The following ALG9 variants were observed in gnomAD, a reference collection of about 807,000 sequenced individuals.
The protein encoded by ALG9 is alpha-1,2-mannosyltransferase ALG9.
A neutral mutation model predicts 81.8 loss-of-function variants in ALG9; 55 were observed. The observed-to-expected ratio is 0.67, with a 90% CI of 0.54 to 0.84. ALG9 has a LOEUF of 0.84. Ranked by LOEUF, ALG9 falls within the 40% of genes least tolerant of loss-of-function variation. The pLI is 0.00. For missense variants in ALG9, 629 were observed against 745.0 expected (o/e 0.84, Z 1.81); for synonymous variants, 278 against 274.3 (o/e 1.01, Z -0.13).
intron 11 of ALG9, 126 bp from the exon 12 acceptor site, chr11:111,837,741 A>C: frequency 2.8e-6 from 3 of 1,063,512 alleles, no homozygotes; most frequent in Non-Finnish European, 4.2e-6. Flanking sequence ...GGCCATAGCC[A>C]TTCCAGCATG....
chr11:111,780,003 A>G (rs117449102), downstream of ALG9, among the ~76,000 whole-genome samples: 997 of 152,326 alleles, frequency 6.5e-3, 7 homozygotes, highest in Middle Eastern at 0.054. Context: ...AAGAGAGCCA[A>G]AACAGCTTTC....
chr11:111,857,631 G>C lies in ALG9; in HGVS notation c.672C>G (p.Ile224Met). The C allele has an allele frequency of 6.2e-7, 1 of 1,614,148 alleles. No homozygotes were observed. Among genetic ancestry groups the C allele is most frequent in the Non-Finnish European group, 8.5e-7 (1 of 1,180,036 alleles). Residue 224 changes from isoleucine (I) to methionine (M), a missense_variant, in exon 6 of 15, where the codon ATC becomes ATG. Coordinates refer to ENST00000616540, the MANE Select transcript of ALG9 (RefSeq NM_024740.2). ...IAVLGVAAGA[I>M]LGWPFSAALG... Reference sequence around the variant, plus strand: ...GAGCTGCACTGAATGGCCAGCCTAAGATAGCCCCAGCTGCTACTCCCAGCA... The same window carrying C: ...GAGCTGCACTGAATGGCCAGCCTAACATAGCCCCAGCTGCTACTCCCAGCA...
chr11:111,809,479 G>T, intron 14 of ALG9, 164 bp downstream of exon 14: 1 of 768,212 alleles, frequency 1.3e-6, no homozygotes, highest in Non-Finnish European at 2.1e-6. Context: ...GTGGGGAGTT[G>T]AGATCACACC....
intron 2 of ALG9, among the ~76,000 whole-genome samples, chr11:111,869,546 T>C (rs1963603215): frequency 6.6e-6 from 1 of 152,208 alleles, no homozygotes; most frequent in South Asian, 2.1e-4. Context: ...TTAGGTATTT[T>C]AGTAGTTGTT....
chr11:111,867,873 G>A (rs1248308636), intron 3 of ALG9, among the ~76,000 whole-genome samples: 1 of 152,260 alleles, frequency 6.6e-6, no homozygotes, highest in Non-Finnish European at 1.5e-5. Context: ...GGGAAAGAGC[G>A]TTAGTGGGAA....
In ALG9 at chr11:111,870,103, T is replaced by G. The variant is rs12276358; in HGVS notation, c.270+129A>C. On this transcript the variant is annotated intron_variant, in intron 2 of 14. Coordinates refer to ENST00000616540, the MANE Select transcript of ALG9 (RefSeq NM_024740.2). ...CTGGGATTATAGGCCTGTTTTTTTG[T>G]TTTTTTTTTTAAGAAAATACAGTTA... is the stretch of plus-strand genomic sequence containing the variant. 462 of 807,274 alleles carry G rather than the reference T, an allele frequency of 5.7e-4. No homozygotes were observed. The African/African-American group carries it at 7.3e-3, about 13-fold the overall frequency. 50.0% of individuals were successfully genotyped at this position (807,274 alleles called of 1,614,324 possible).
At chr11:111,807,580 G>A (rs1433376542) in intron 14 of ALG9, among the ~76,000 whole-genome samples, 2 of 152,062 alleles carry the variant, frequency 1.3e-5, no homozygotes, top group South Asian at 2.1e-4. Context: ...TGTATATTAT[G>A]TCTTCCCTAC....
At chr11:111,828,014 C>T (rs1432758827) in intron 13 of ALG9, among the ~76,000 whole-genome samples, 1 of 151,868 alleles carries the variant, frequency 6.6e-6, no homozygotes, top group African/African-American at 2.4e-5. Context: ...ATGGTGAAAC[C>T]CTGTCTCTAC....
chr11:111,850,630 C>A (rs1351355118), intron 8 of ALG9, among the ~76,000 whole-genome samples: 1 of 144,680 alleles, frequency 6.9e-6, no homozygotes, highest in African/African-American at 2.6e-5. Context: ...TAGCTTGAAT[C>A]CGGGAGGCAG....
chr11:111,820,528 T>C (rs1427712851), intron 13 of ALG9, among the ~76,000 whole-genome samples: 1 of 152,164 alleles, frequency 6.6e-6, no homozygotes, highest in Non-Finnish European at 1.5e-5. Flanking sequence ...AGATGTCCCA[T>C]GACCCAAACA....
chr11:111,838,123 A>G (rs782262648), intron 11 of ALG9, 126 bp downstream of exon 11: 1 of 1,077,338 alleles, frequency 9.3e-7, no homozygotes. Flanking sequence ...TATTAAGTCT[A>G]CAGGTTCTCT....
chr11:111,789,705 A>T (rs1421394398), intron 14 of ALG9, among the ~76,000 whole-genome samples: 1 of 151,592 alleles, frequency 6.6e-6, no homozygotes, highest in Non-Finnish European at 1.5e-5. Flanking sequence ...CTGTAATCCC[A>T]GCTACTCGGG....
chr11:111,798,946 A>C (rs1948697204), intron 14 of ALG9, among the ~76,000 whole-genome samples: 1 of 152,222 alleles, frequency 6.6e-6, no homozygotes, highest in Non-Finnish European at 1.5e-5. Context: ...AAATGGTCTA[A>C]CACCACTTAG....
At chr11:111,803,503 G>GAAAAAA (rs57411573) in intron 14 of ALG9, among the ~76,000 whole-genome samples, 2 of 133,356 alleles carry the variant, frequency 1.5e-5, no homozygotes, top group African/African-American at 5.6e-5. Context: ...TCCATCTCAG[G>GAAAAAA]AAAAAAAAAA....
intron 14 of ALG9, among the ~76,000 whole-genome samples, chr11:111,807,967 A>T (rs1476846373): frequency 6.6e-6 from 1 of 152,078 alleles, no homozygotes; most frequent in Non-Finnish European, 1.5e-5. Context: ...TGCCTTGGGA[A>T]GCTGAGGTGG....
Position 111,871,512 on chromosome 11 carries a change from C to A in ALG9, c.-30G>T, listed in dbSNP as rs886047685. On this transcript the variant is annotated 5_prime_UTR_variant, in exon 1 of 15. Coordinates refer to ENST00000616540, the MANE Select transcript of ALG9 (RefSeq NM_024740.2). ...AGCCTGGGGAAAAAAGAATTCGGCACCCTATGAAGTCGGTGAGCGCGCAGA... is the reference window on the plus strand; with the variant it reads ...AGCCTGGGGAAAAAAGAATTCGGCAACCTATGAAGTCGGTGAGCGCGCAGA... 6.5e-7 allele frequency: 1 copy of A among 1,535,936 alleles called. No individual in the cohort carries two copies. Among genetic ancestry groups the A allele is most frequent in the Non-Finnish European group, 8.7e-7 (1 of 1,146,472 alleles).
chr11:111,833,047 A>G (rs1319953618), intron 13 of ALG9, among the ~76,000 whole-genome samples: 6 of 152,090 alleles, frequency 3.9e-5, no homozygotes, highest in Non-Finnish European at 8.8e-5. Context: ...AAAGAAAGAA[A>G]ACAGGAAAAC....
intron 8 of ALG9, among the ~76,000 whole-genome samples, chr11:111,847,733 G>A (rs1182796303): frequency 6.6e-6 from 1 of 152,080 alleles, no homozygotes. Flanking sequence ...AGTGCCAAAT[G>A]TTCTTTACCT....
rs147028945 is a variant in ALG9, at chr11:111,822,677, C to A, written c.1603-12904G>T. On this transcript the variant is annotated intron_variant, in intron 13 of 14. Transcript: ENST00000616540. ...GTAGTGAGCCATGATCATGCCACTG[C>A]ACTCCAGCCTGGGTGACAATGCAAC... Among the ~76,000 whole-genome samples the A allele has an allele frequency of 6.6e-3, 1,005 of 152,088 alleles. 6 individuals carry two copies. The highest frequency in any genetic ancestry group is 0.051 in the Middle Eastern group (15 of 294).
Sources: gnomAD v4.1 joint callset for allele counts (sites outside exome capture counted in the v4.1 genomes callset) on GRCh38, gnomAD v4.1.1 for gene constraint, MANE v1.5 for transcripts, NCBI Gene and HGNC (gene_info 2026-07-23, HGNC 2026-07-21) for gene names.